KCNT2: variants seen among roughly 807,000 people sequenced by gnomAD.
KCNT2 encodes potassium sodium-activated channel subfamily T member 2.
KCNT2 carries 67 observed loss-of-function variants against 153.8 expected under a neutral mutation model. The ratio of observed to expected loss-of-function variants is 0.44; its 90% CI spans 0.36 to 0.53. The LOEUF is 0.53. KCNT2 is among the 20% of genes least tolerant of loss of function. The pLI is 0.00. For synonymous variants in KCNT2, 500 were observed against 458.8 expected, an observed-to-expected ratio of 1.09 and a Z score of -1.15; for missense variants, 975 against 1,354.8, an observed-to-expected ratio of 0.72 and a Z score of 4.40.
chr1:196,509,796 T>A (rs1681464558), intron 1 of KCNT2, among the ~76,000 whole-genome samples: 1 of 152,340 alleles, frequency 6.6e-6, no homozygotes, highest in Middle Eastern at 3.4e-3. Context: ...ATGACAATGA[T>A]GAGAGTGTGC....
At chr1:196,591,928 G>A (rs1225246801) in intron 1 of KCNT2, among the ~76,000 whole-genome samples, 3 of 152,122 alleles carry the variant, frequency 2.0e-5, no homozygotes, top group Non-Finnish European at 4.4e-5. Context: ...AGTGTTTATA[G>A]GCATGCATTT....
At chr1:196,282,529 T>C (rs1384858471) in intron 23 of KCNT2, among the ~76,000 whole-genome samples, 173 bp from the exon 24 acceptor site, 4 of 152,210 alleles carry the variant, frequency 2.6e-5, no homozygotes, top group Non-Finnish European at 4.4e-5. Flanking sequence ...GTATCCTAGA[T>C]AAACATGTAC....
intron 17 of KCNT2, among the ~76,000 whole-genome samples, chr1:196,331,727 T>C (rs2148105632): frequency 6.6e-6 from 1 of 152,192 alleles, no homozygotes; most frequent in East Asian, 1.9e-4. Context: ...TAGAAGATTT[T>C]CATTTTTAAA....
intron 22 of KCNT2, among the ~76,000 whole-genome samples, chr1:196,294,578 C>T (rs1030743186): frequency 6.6e-6 from 1 of 151,972 alleles, no homozygotes; most frequent in Non-Finnish European, 1.5e-5. Context: ...CCGGCCAAGA[C>T]AGCCATTATG....
chr1:196,340,521 A>G lies in KCNT2; in HGVS notation c.1603T>C (p.Leu535=), dbSNP rs1275193996. The G allele has an allele frequency of 6.2e-7, 1 of 1,611,378 alleles. No homozygotes were observed. Among genetic ancestry groups the G allele is most frequent in the Non-Finnish European group, 8.5e-7 (1 of 1,178,554 alleles). The change falls in exon 16 of 28, where the codon TTG becomes CTG. Residue 535 remains leucine (L), a synonymous_variant. Coordinates refer to ENST00000294725, the MANE Select transcript of KCNT2 (RefSeq NM_198503.5). ...ATGTATCGAGGACCTGGATTCAGCA[A>G]AATGTTTTTATTATCCTCCCTCCTA... ...GVRREDNKNI[L]LNPGPRYIMN...
chr1:196,593,709 A>T (rs1427401691), intron 1 of KCNT2, among the ~76,000 whole-genome samples: 1 of 152,018 alleles, frequency 6.6e-6, no homozygotes, highest in Non-Finnish European at 1.5e-5. Context: ...AATTTAAAAA[A>T]CTGGTCACTC....
intron 1 of KCNT2, among the ~76,000 whole-genome samples, chr1:196,570,100 T>TAAAAAAAAAAAAAAAAAAAA (rs1553256605): frequency 2.6e-4 from 34 of 129,526 alleles, no homozygotes; most frequent in African/African-American, 1.2e-3. Context: ...AAAAAAAAAT[T>TAAAAAAAAAAAAAAAAAAAA]AAAGGCCTTT....
intron 12 of KCNT2, among the ~76,000 whole-genome samples, chr1:196,401,501 G>T (rs74136536): frequency 0.02 from 3,030 of 151,802 alleles, 90 homozygotes; most frequent in African/African-American, 0.069. Flanking sequence ...TTTCAGCAGA[G>T]TAATATAAAG....
chr1:196,390,072 C>CT (rs780751962), intron 13 of KCNT2, among the ~76,000 whole-genome samples: 12 of 151,396 alleles, frequency 7.9e-5, no homozygotes, highest in Middle Eastern at 3.4e-3. Context: ...TTCTGGTGCT[C>CT]TTTTTTCTGT....
At chr1:196,262,726 C>T (rs1571837368) in intron 25 of KCNT2, among the ~76,000 whole-genome samples, 1 of 151,966 alleles carries the variant, frequency 6.6e-6, no homozygotes, top group African/African-American at 2.4e-5. Flanking sequence ...AAGAAAATAG[C>T]TAGTTACACT....
At chr1:196,332,363 T>G (rs1664547049) in intron 17 of KCNT2, among the ~76,000 whole-genome samples, 1 of 152,176 alleles carries the variant, frequency 6.6e-6, no homozygotes, top group Non-Finnish European at 1.5e-5. Flanking sequence ...AGACACTGGT[T>G]GCCAAACCTA....
intron 1 of KCNT2, among the ~76,000 whole-genome samples, chr1:196,496,416 C>G (rs1470025020): frequency 6.7e-6 from 1 of 149,358 alleles, no homozygotes; most frequent in African/African-American, 2.5e-5. Context: ...TGCAGTGAGC[C>G]GAGATCGTGC....
At chr1:196,300,482 C>T (rs74136505) in intron 22 of KCNT2, among the ~76,000 whole-genome samples, 4,743 of 152,178 alleles carry the variant, frequency 0.031, 227 homozygotes, top group African/African-American at 0.11. Flanking sequence ...TGACCTTCCA[C>T]TGAAATTAGG....
At chr1:196,282,086 TATG>T (rs1453414530) in intron 24 of KCNT2, among the ~76,000 whole-genome samples, 184 bp downstream of exon 24, 2 of 152,250 alleles carry the variant, frequency 1.3e-5, no homozygotes, top group Admixed American at 1.3e-4. Context: ...GGCTATTTAT[TATG>T]ATTATTAAGT....
intron 16 of KCNT2, among the ~76,000 whole-genome samples, chr1:196,337,927 G>A (rs1324682590): frequency 6.6e-6 from 1 of 151,876 alleles, no homozygotes; most frequent in Non-Finnish European, 1.5e-5. Flanking sequence ...TATGAACTAG[G>A]GATCTTTGTT....
At chr1:196,327,060 A>T (rs1351464476) in intron 18 of KCNT2, among the ~76,000 whole-genome samples, 171 bp from the exon 19 acceptor site, 5 of 152,144 alleles carry the variant, frequency 3.3e-5, no homozygotes, top group African/African-American at 9.6e-5. Context: ...ACCTGCAGTA[A>T]GAAATAAAAG....
chr1:196,403,185 A>T (rs539263154), intron 12 of KCNT2, among the ~76,000 whole-genome samples: 1 of 151,778 alleles, frequency 6.6e-6, no homozygotes, highest in Admixed American at 6.6e-5. Context: ...TCAATAGATG[A>T]ATGGATAAAC....
intron 12 of KCNT2, among the ~76,000 whole-genome samples, chr1:196,414,753 C>G (rs1354626027): frequency 1.3e-5 from 2 of 151,772 alleles, no homozygotes; most frequent in East Asian, 3.9e-4. Context: ...ATGTAATTCT[C>G]CATGATTTTT....
chr1:196,290,154 A>G (rs530820981), intron 22 of KCNT2, among the ~76,000 whole-genome samples: 1 of 152,010 alleles, frequency 6.6e-6, no homozygotes, highest in Non-Finnish European at 1.5e-5. Context: ...TTTCTCAACT[A>G]TAATTCTTTT....
Sources: allele counts gnomAD v4.1 joint callset (sites outside exome capture counted in the v4.1 genomes callset), GRCh38; gene constraint gnomAD v4.1.1; transcripts MANE v1.5; gene names NCBI Gene and HGNC (gene_info 2026-07-23, HGNC 2026-07-21).